CFAP91: variants seen among roughly 807,000 people sequenced by gnomAD.
CFAP91 encodes cilia and flagella associated protein 91, also known as cilia- and flagella-associated protein 91.
CFAP91 carries 85 observed loss-of-function variants against 95.9 expected under a neutral mutation model. The ratio of observed to expected loss-of-function variants is 0.89; its 90% CI spans 0.74 to 1.06. The LOEUF (loss-of-function observed/expected upper bound fraction) is 1.06. Among genes scored for constraint, CFAP91 ranks in the 50% least tolerant of loss-of-function variants. The pLI is 0.00. For synonymous variants in CFAP91, 335 were observed against 327.5 expected (o/e 1.02, Z -0.25); for missense variants, 962 against 943.4 (o/e 1.02, Z -0.26).
chr3:119,730,972 C>G (rs1427442491), intron 8 of CFAP91, among the ~76,000 whole-genome samples: 1 of 152,168 alleles, frequency 6.6e-6, no homozygotes, highest in Non-Finnish European at 1.5e-5. Flanking sequence ...AGAGGTAGCT[C>G]ACACCTGTAA....
At chr3:119,747,610 G>A in intron 15 of CFAP91, 1 of 583,018 alleles carries the variant, frequency 1.7e-6, no homozygotes, top group East Asian at 2.9e-5. Flanking sequence ...TGGCAGGCAG[G>A]GTAACTGAAG....
At chr3:119,703,403 G>C (rs2053296708) in intron 1 of CFAP91, 181 bp downstream of exon 1, 1 of 881,350 alleles carries the variant, frequency 1.1e-6, no homozygotes, top group Non-Finnish European at 1.7e-6. Context: ...GCCGCACTCA[G>C]GTTGGGGTCG....
intron 5 of CFAP91, among the ~76,000 whole-genome samples, chr3:119,710,604 A>T (rs1425154440): frequency 5.3e-5 from 8 of 152,262 alleles, no homozygotes; most frequent in African/African-American, 1.9e-4. Context: ...TAGTTTAAAA[A>T]AGTTGAAAAG....
chr3:119,764,187 G>T (rs2054589145), intron 17 of CFAP91, among the ~76,000 whole-genome samples: 1 of 151,974 alleles, frequency 6.6e-6, no homozygotes, highest in Admixed American at 6.6e-5. Context: ...AATCAGAAAC[G>T]GTATTTATGA....
intron 17 of CFAP91, among the ~76,000 whole-genome samples, chr3:119,756,122 G>A (rs147042169): frequency 3.3e-5 from 5 of 151,954 alleles, no homozygotes; most frequent in Admixed American, 1.3e-4. Context: ...AAAAGAAAAC[G>A]ATACCTAGAT....
Position 119,726,192 on chromosome 3 carries a change from A to C in CFAP91, c.704A>C (p.Gln235Pro), listed in dbSNP as rs775805683. The C allele has an allele frequency of 3.7e-5, 59 of 1,612,156 alleles. No individual in the cohort carries two copies. Among genetic ancestry groups the C allele is most frequent in the Non-Finnish European group, 4.7e-5 (56 of 1,179,342 alleles). The change falls in exon 7 of 18, where the codon CAA becomes CCA. Residue 235 changes from glutamine (Q) to proline (P), a missense_variant. Transcript: ENST00000273390. ...GCAGGTCGGGGTCTCCCAGCAGGAC[A>C]AGCTGAGGTGGAGATGATAGAAAGA... ...LTWGRGLPAG[Q>P]AEVEMIERAR...
intron 17 of CFAP91, 95 bp downstream of exon 17, chr3:119,751,193 G>T (rs1443422488): frequency 7.3e-7 from 1 of 1,364,070 alleles, no homozygotes; most frequent in African/African-American, 1.5e-5. Flanking sequence ...ATAATGTGAA[G>T]ATTGCTGTTT....
chr3:119,711,661 T>G (rs1201718628), intron 5 of CFAP91, among the ~76,000 whole-genome samples: 3 of 152,194 alleles, frequency 2.0e-5, no homozygotes, highest in Admixed American at 1.3e-4. Context: ...ATTCTGGAAT[T>G]CCAGTATGTT....
At chr3:119,727,033 T>C (rs2053796792) in intron 7 of CFAP91, among the ~76,000 whole-genome samples, 1 of 152,216 alleles carries the variant, frequency 6.6e-6, no homozygotes, top group East Asian at 1.9e-4. Context: ...GAGTTGTTGC[T>C]GATATGTGGA....
chr3:119,733,315 T>G (rs1368986892), intron 9 of CFAP91, 49 bp from the exon 10 acceptor site: 1 of 1,585,866 alleles, frequency 6.3e-7, no homozygotes, highest in African/African-American at 1.4e-5. Context: ...ACCTTAAAAA[T>G]AATAAACGTA....
At chr3:119,741,869 A>G (rs2054126773) in intron 13 of CFAP91, among the ~76,000 whole-genome samples, 1 of 152,132 alleles carries the variant, frequency 6.6e-6, no homozygotes, top group Non-Finnish European at 1.5e-5. Flanking sequence ...AGCTTGGGGA[A>G]CTTTTGGGGG....
At position 119,766,402 on chromosome 3, in the gene CFAP91, C is replaced by A. The variant is rs2054628845; in HGVS notation, c.*1352C>A. 1 of 151,656 alleles carries A rather than the reference C, an allele frequency of 6.6e-6. No individual in the cohort carries two copies. The highest frequency in any genetic ancestry group is 1.5e-5 in the Non-Finnish European group (1 of 67,916). 9.4% of individuals were successfully genotyped at this position (151,656 alleles called of 1,614,324 possible). On this transcript the variant is annotated 3_prime_UTR_variant, in exon 18 of 18. Transcript: ENST00000273390. ...AACTAGGATTGGGACACCTTTTTTT[C>A]CCCCTGAGGATCACTGACAAAAAAC...
intron 6 of CFAP91, among the ~76,000 whole-genome samples, chr3:119,722,782 G>A (rs927093408): frequency 6.6e-6 from 1 of 151,772 alleles, no homozygotes; most frequent in Non-Finnish European, 1.5e-5. Flanking sequence ...GTGAGCCACC[G>A]CACTTGGCTG....
intron 6 of CFAP91, among the ~76,000 whole-genome samples, chr3:119,723,625 A>G (rs1268575504): frequency 6.6e-6 from 1 of 152,200 alleles, no homozygotes; most frequent in Non-Finnish European, 1.5e-5. Flanking sequence ...ATGTATGTAA[A>G]TATTAAATAA....
intron 1 of CFAP91, chr3:119,706,031 C>G (rs2053353195): frequency 6.6e-6 from 1 of 152,170 alleles, no homozygotes; most frequent in Non-Finnish European, 1.5e-5. Flanking sequence ...ATATGTGTTA[C>G]CATGTTATCT....
chr3:119,743,892 G>C (rs1257291477), intron 13 of CFAP91, 83 bp from the exon 14 acceptor site: 7 of 1,244,802 alleles, frequency 5.6e-6, no homozygotes, highest in Non-Finnish European at 7.7e-6. Context: ...ACTGCCAAGA[G>C]TTTTGAGTAA....
At chr3:119,764,766 G>A (rs1373594113) in intron 17 of CFAP91, among the ~76,000 whole-genome samples, 1 of 152,046 alleles carries the variant, frequency 6.6e-6, no homozygotes, top group African/African-American at 2.4e-5. Flanking sequence ...CCTTTCTCAT[G>A]TTGACATTCT....
chr3:119,747,769 A>G, intron 15 of CFAP91, 42 bp from the exon 16 acceptor site: 1 of 1,566,428 alleles, frequency 6.4e-7, no homozygotes, highest in Non-Finnish European at 8.7e-7. Flanking sequence ...AGCTCAAGTG[A>G]AAAAACCAAA....
At chr3:119,726,859 C>G (rs1221043393) in intron 7 of CFAP91, among the ~76,000 whole-genome samples, 1 of 134,858 alleles carries the variant, frequency 7.4e-6, no homozygotes, top group Non-Finnish European at 1.6e-5. Flanking sequence ...AGTCAGGATG[C>G]CTTGCGTGCT....
Sources: gnomAD v4.1 joint callset for allele counts (sites outside exome capture counted in the v4.1 genomes callset) on GRCh38, gnomAD v4.1.1 for gene constraint, MANE v1.5 for transcripts, NCBI Gene and HGNC (gene_info 2026-07-23, HGNC 2026-07-21) for gene names.